Variants in DCC observed in about 807,000 individuals in gnomAD.
DCC encodes the protein netrin receptor DCC.
In DCC, 58 loss-of-function variants were observed where a neutral mutation model predicts 172.5. That is an observed-to-expected ratio of 0.34 (90% CI 0.27 to 0.42). The LOEUF (loss-of-function observed/expected upper bound fraction) is 0.42. Among genes scored for constraint, DCC ranks in the 10% least tolerant of loss-of-function variants. DCC has a pLI of 1.00. For synonymous variants in DCC, 709 were observed against 644.5 expected, an observed-to-expected ratio of 1.10 and a Z score of -1.52; for missense variants, 1,740 against 1,791.0, an observed-to-expected ratio of 0.97 and a Z score of 0.51.
At chr18:52,379,277 T>C (rs753791250) in intron 1 of DCC, among the ~76,000 whole-genome samples, 1 of 152,196 alleles carries the variant, frequency 6.6e-6, no homozygotes, top group Non-Finnish European at 1.5e-5. Flanking sequence ...ATTGGATACA[T>C]GCCCATTGCT....
chr18:53,055,444 T>C (rs2042391075), intron 5 of DCC, among the ~76,000 whole-genome samples: 1 of 152,146 alleles, frequency 6.6e-6, no homozygotes, highest in Non-Finnish European at 1.5e-5. Flanking sequence ...CAGATGAGAT[T>C]GAAACATCTT....
rs571885324 is a variant in DCC, at chr18:52,915,998, T to A, written c.698-7709T>A. Reference sequence around the variant, plus strand: ...AGATTTATTTTAATAATAATATATATCTTTTGAGTTTTTTACCATGTTGGC... The same window carrying A: ...AGATTTATTTTAATAATAATATATAACTTTTGAGTTTTTTACCATGTTGGC... On this transcript the variant is annotated intron_variant, in intron 3 of 28. Transcript: ENST00000442544. Among the ~76,000 whole-genome samples the A allele has an allele frequency of 4.8e-4, 72 of 149,732 alleles. 1 individual carries two copies. The highest frequency in any genetic ancestry group is 1.7e-3 in the African/African-American group (70 of 41,422).
chr18:53,022,544 CGTGTGTGTGT>C (rs10686492), intron 5 of DCC, among the ~76,000 whole-genome samples: 3 of 85,562 alleles, frequency 3.5e-5, no homozygotes, highest in Admixed American at 1.6e-4. Context: ...TATATATGTG[CGTGTGTGTGT>C]GTGTGTGTGT....
At chr18:53,058,737 C>A (rs2144064483) in intron 5 of DCC, among the ~76,000 whole-genome samples, 1 of 152,212 alleles carries the variant, frequency 6.6e-6, no homozygotes, top group South Asian at 2.1e-4. Flanking sequence ...AGAGCCACTT[C>A]CACTGAGAAG....
intron 13 of DCC, among the ~76,000 whole-genome samples, chr18:53,311,823 G>A (rs1433553841): frequency 1.3e-5 from 2 of 152,122 alleles, no homozygotes; most frequent in Non-Finnish European, 1.5e-5. Flanking sequence ...TGGTCAACCA[G>A]CTAATAAGTA....
chr18:53,270,747 G>C (rs2056739588), intron 12 of DCC, among the ~76,000 whole-genome samples: 1 of 152,062 alleles, frequency 6.6e-6, no homozygotes, highest in Non-Finnish European at 1.5e-5. Context: ...AACCTATGTA[G>C]ATTTTAACTC....
intron 2 of DCC, among the ~76,000 whole-genome samples, chr18:52,843,460 C>T (rs574963162): frequency 3.1e-4 from 47 of 152,104 alleles, no homozygotes; most frequent in African/African-American, 1.0e-3. Flanking sequence ...TTTAAAGATA[C>T]CCTAGAAATG....
chr18:52,549,603 A>G (rs901683284), intron 1 of DCC, among the ~76,000 whole-genome samples: 27 of 152,084 alleles, frequency 1.8e-4, no homozygotes, highest in African/African-American at 6.5e-4. Context: ...ATAATAGAAT[A>G]CTAGAGTAAT....
At chr18:52,779,857 G>T (rs2037502417) in intron 2 of DCC, among the ~76,000 whole-genome samples, 1 of 152,188 alleles carries the variant, frequency 6.6e-6, no homozygotes, top group Non-Finnish European at 1.5e-5. Context: ...TAACTGGCAT[G>T]AGATGGTATC....
intron 5 of DCC, among the ~76,000 whole-genome samples, chr18:52,983,415 T>C (rs1317611778): frequency 6.6e-6 from 1 of 152,228 alleles, no homozygotes; most frequent in Non-Finnish European, 1.5e-5. Context: ...TATCAAATTT[T>C]TATCCTATCT....
intron 26 of DCC, among the ~76,000 whole-genome samples, chr18:53,495,591 C>T (rs973740462): frequency 5.9e-5 from 9 of 151,938 alleles, no homozygotes; most frequent in African/African-American, 1.5e-4. Context: ...GACAATTTGA[C>T]GATTATGTGC....
At chr18:52,799,278 T>C (rs2037937630) in intron 2 of DCC, among the ~76,000 whole-genome samples, 1 of 152,222 alleles carries the variant, frequency 6.6e-6, no homozygotes, top group South Asian at 2.1e-4. Context: ...TTGAACTGCT[T>C]CAGATTGCTA....
chr18:53,128,220 T>C (rs1202710231), intron 7 of DCC, among the ~76,000 whole-genome samples: 8 of 152,174 alleles, frequency 5.3e-5, no homozygotes, highest in African/African-American at 1.9e-4. Flanking sequence ...CATTTTTTAA[T>C]GTCTGCCCTG....
At position 52,544,423 on chromosome 18, in the gene DCC, T is replaced by C. The variant is rs949124169; in HGVS notation, c.91+203545T>C. Among the ~76,000 whole-genome samples, 4 of 138,130 alleles carry C rather than the reference T, an allele frequency of 2.9e-5. No individual in the cohort carries two copies. The Admixed American group carries it at 3.1e-4, about 11-fold the overall frequency. 90.6% of individuals were successfully genotyped at this position (138,130 alleles called of 152,430 possible). On this transcript the variant is annotated intron_variant, in intron 1 of 28. Coordinates refer to ENST00000442544, the MANE Select transcript of DCC (RefSeq NM_005215.4). ...CCATTGGCATTTCCTTCCAGGTAGTTTTTTTTTCTGTTTTTCTTTCTTTCT... is the reference window on the plus strand; with the variant it reads ...CCATTGGCATTTCCTTCCAGGTAGTCTTTTTTTCTGTTTTTCTTTCTTTCT...
chr18:52,389,170 C>T (rs1985934954), intron 1 of DCC, among the ~76,000 whole-genome samples: 1 of 152,034 alleles, frequency 6.6e-6, no homozygotes, highest in Non-Finnish European at 1.5e-5. Context: ...TTTGCAGTGG[C>T]TTATAACCAG....
intron 12 of DCC, among the ~76,000 whole-genome samples, chr18:53,298,048 T>C (rs538325622): frequency 6.6e-6 from 1 of 152,310 alleles, no homozygotes; most frequent in South Asian, 2.1e-4. Flanking sequence ...TATTAAGGTA[T>C]TGGCTATGTG....
chr18:52,557,600 G>A (rs2032944878), intron 1 of DCC, among the ~76,000 whole-genome samples: 1 of 152,126 alleles, frequency 6.6e-6, no homozygotes, highest in Non-Finnish European at 1.5e-5. Flanking sequence ...AGAAACTTTA[G>A]GAATAGTTTT....
At chr18:52,487,282 C>T (rs896986153) in intron 1 of DCC, among the ~76,000 whole-genome samples, 1 of 152,070 alleles carries the variant, frequency 6.6e-6, no homozygotes, top group Non-Finnish European at 1.5e-5. Context: ...AACACAGATG[C>T]AACTAGAAGG....
chr18:53,307,855 A>T (rs2144788231), intron 13 of DCC, among the ~76,000 whole-genome samples: 1 of 142,810 alleles, frequency 7.0e-6, no homozygotes, highest in East Asian at 2.1e-4. Flanking sequence ...CTTGTGGGAC[A>T]GAAAATGTCC....
Sources: gnomAD v4.1 joint callset for allele counts (sites outside exome capture counted in the v4.1 genomes callset) on GRCh38, gnomAD v4.1.1 for gene constraint, MANE v1.5 for transcripts, NCBI Gene and HGNC (gene_info 2026-07-23, HGNC 2026-07-21) for gene names.